Variants in CYRIA observed in about 807,000 individuals in gnomAD.
CYRIA encodes CYFIP-related Rac1 interactor A.
Under a neutral mutation model 43.9 loss-of-function variants are expected in CYRIA, and 15 were observed. The observed-to-expected ratio is 0.34, with a 90% CI of 0.23 to 0.53. CYRIA has a LOEUF of 0.53. CYRIA is among the 20% of genes least tolerant of loss of function. CYRIA has a pLI of 0.94. For synonymous variants in CYRIA, 117 were observed against 136.0 expected, an observed-to-expected ratio of 0.86 and a Z score of 0.97; for missense variants, 236 against 394.2, an observed-to-expected ratio of 0.60 and a Z score of 3.40.
At chr2:16,645,557 T>A (rs886235046) in intron 1 of CYRIA, among the ~76,000 whole-genome samples, 1 of 152,246 alleles carries the variant, frequency 6.6e-6, no homozygotes, top group Non-Finnish European at 1.5e-5. Flanking sequence ...ACGAGCCACA[T>A]GTATTCTACC....
chr2:16,656,288 C>T (rs1013623926), intron 1 of CYRIA, among the ~76,000 whole-genome samples: 4 of 152,004 alleles, frequency 2.6e-5, no homozygotes, highest in African/African-American at 9.7e-5. Context: ...ATATCCACAC[C>T]CACACACCCA....
intron 2 of CYRIA, among the ~76,000 whole-genome samples, chr2:16,618,313 T>C (rs1439447444): frequency 1.3e-5 from 2 of 152,188 alleles, no homozygotes; most frequent in African/African-American, 4.8e-5. Flanking sequence ...AAACAATCCT[T>C]TTGAATTTCT....
chr2:16,563,783 A>G (rs551764144), intron 5 of CYRIA, among the ~76,000 whole-genome samples: 49 of 152,312 alleles, frequency 3.2e-4, no homozygotes, highest in Admixed American at 2.5e-3. Context: ...GACACACTAA[A>G]TGGGCCAATA....
chr2:16,588,224 A>C (rs1667802805), intron 2 of CYRIA, 95 bp from the exon 3 acceptor site: 4 of 723,472 alleles, frequency 5.5e-6, no homozygotes, highest in Non-Finnish European at 9.2e-6. Context: ...ACCTTTGAAG[A>C]CCAGAAAGAG....
chr2:16,660,632 A>G (rs1385515614), intron 1 of CYRIA, among the ~76,000 whole-genome samples: 1 of 152,218 alleles, frequency 6.6e-6, no homozygotes, highest in Non-Finnish European at 1.5e-5. Context: ...ATATTTGTCA[A>G]ATGAATAATC....
chr2:16,626,224 A>G (rs1669159550), intron 1 of CYRIA, among the ~76,000 whole-genome samples: 1 of 152,102 alleles, frequency 6.6e-6, no homozygotes, highest in Non-Finnish European at 1.5e-5. Flanking sequence ...AGGGGTAGAG[A>G]ATGCAGAGCC....
intron 1 of CYRIA, among the ~76,000 whole-genome samples, chr2:16,640,563 G>A (rs1669645593): frequency 6.6e-6 from 1 of 152,196 alleles, no homozygotes; most frequent in Admixed American, 6.5e-5. Flanking sequence ...GCCCCATCTG[G>A]TTGCTTGGCC....
chr2:16,608,769 T>C (rs980829244), intron 2 of CYRIA, among the ~76,000 whole-genome samples: 2 of 152,170 alleles, frequency 1.3e-5, no homozygotes, highest in Admixed American at 6.5e-5. Context: ...ATTTCAAAAA[T>C]TGCAACCACA....
intron 1 of CYRIA, among the ~76,000 whole-genome samples, chr2:16,665,576 G>A (rs1415107516): frequency 1.3e-5 from 2 of 151,934 alleles, no homozygotes; most frequent in African/African-American, 2.4e-5. Flanking sequence ...ACCTCTGTCC[G>A]GCGATCGCTA....
intron 2 of CYRIA, among the ~76,000 whole-genome samples, chr2:16,618,341 T>C (rs1388226639): frequency 6.6e-6 from 1 of 152,162 alleles, no homozygotes; most frequent in Non-Finnish European, 1.5e-5. Context: ...TAAAAGGGAA[T>C]GCTCACTCCC....
intron 2 of CYRIA, among the ~76,000 whole-genome samples, chr2:16,589,138 CT>C (rs1312577873): frequency 6.6e-6 from 1 of 152,084 alleles, no homozygotes; most frequent in Non-Finnish European, 1.5e-5. Flanking sequence ...AAAGACATTC[CT>C]CTAACTCTGC....
At chr2:16,571,230 G>T (rs1161050540) in intron 3 of CYRIA, among the ~76,000 whole-genome samples, 4 of 152,230 alleles carry the variant, frequency 2.6e-5, no homozygotes, top group Non-Finnish European at 4.4e-5. Flanking sequence ...GATTAGTTTT[G>T]TTTGCAGGGG....
At chr2:16,659,449 T>C (rs1470582410) in intron 1 of CYRIA, among the ~76,000 whole-genome samples, 1 of 152,234 alleles carries the variant, frequency 6.6e-6, no homozygotes, top group Non-Finnish European at 1.5e-5. Context: ...ACAAAATGTT[T>C]ATCATTGTCC....
intron 1 of CYRIA, among the ~76,000 whole-genome samples, chr2:16,652,121 T>C (rs779397557): frequency 2.6e-5 from 4 of 152,180 alleles, no homozygotes; most frequent in Non-Finnish European, 5.9e-5. Context: ...ATGGGGTCCA[T>C]CCTTTGACAC....
intron 9 of CYRIA, among the ~76,000 whole-genome samples, chr2:16,559,959 C>A (rs1032571744): frequency 6.6e-6 from 1 of 152,172 alleles, no homozygotes. Flanking sequence ...GAATTAGGCT[C>A]ATTTCTACGG....
chr2:16,559,639 TC>T, intron 9 of CYRIA, 53 bp from the exon 10 acceptor site: 8 of 1,588,434 alleles, frequency 5.0e-6, no homozygotes, highest in Non-Finnish European at 6.0e-6. Context: ...ACATGTGCGT[TC>T]TTTGGCCCCA....
At chr2:16,573,893 A>G (rs1256290693) in intron 3 of CYRIA, among the ~76,000 whole-genome samples, 2 of 152,182 alleles carry the variant, frequency 1.3e-5, no homozygotes, top group African/African-American at 4.8e-5. Flanking sequence ...ATGAACTAAT[A>G]CGGTAAATTG....
intron 1 of CYRIA, among the ~76,000 whole-genome samples, chr2:16,639,092 A>G (rs1251150748): frequency 1.3e-5 from 2 of 152,250 alleles, no homozygotes; most frequent in African/African-American, 2.4e-5. Context: ...GAGAGTATGA[A>G]GCATGGAGCG....
chr2:16,621,911 A>C (rs1166784233), intron 2 of CYRIA, among the ~76,000 whole-genome samples: 1 of 152,124 alleles, frequency 6.6e-6, no homozygotes, highest in African/African-American at 2.4e-5. Flanking sequence ...TCCTACTTGA[A>C]TGCAAGCTCC....
Sources: allele counts gnomAD v4.1 joint callset (sites outside exome capture counted in the v4.1 genomes callset), GRCh38; gene constraint gnomAD v4.1.1; transcripts MANE v1.5; gene names NCBI Gene and HGNC (gene_info 2026-07-23, HGNC 2026-07-21).